The following MXRA7 variants were observed in gnomAD, a reference collection of about 807,000 sequenced individuals.
MXRA7 encodes matrix-remodeling-associated protein 7.
In MXRA7, 18 loss-of-function variants were observed where a neutral mutation model predicts 17.4. That is an observed-to-expected ratio of 1.03 (90% CI 0.71 to 1.53). MXRA7 has a LOEUF of 1.53. Among genes scored for constraint, MXRA7 ranks in the 40% most tolerant of loss-of-function variants. The pLI is 0.00. For missense variants in MXRA7, 141 were observed against 209.3 expected (o/e 0.67, Z 2.01); for synonymous variants, 70 against 101.7 (o/e 0.69, Z 1.87).
At chr17:76,693,300 T>C (rs1463747941) in intron 1 of MXRA7, among the ~76,000 whole-genome samples, 1 of 151,778 alleles carries the variant, frequency 6.6e-6, no homozygotes. Context: ...AAATCCCGTC[T>C]CTACTAAAAA....
chr17:76,684,842 C>T (rs1452349792), intron 3 of MXRA7, among the ~76,000 whole-genome samples: 1 of 152,048 alleles, frequency 6.6e-6, no homozygotes. Context: ...TCACCAGTGG[C>T]CTCCTTCTGG....
At chr17:76,707,344 G>A (rs1442302819) in intron 1 of MXRA7, among the ~76,000 whole-genome samples, 1 of 129,312 alleles carries the variant, frequency 7.7e-6, no homozygotes, top group African/African-American at 3.2e-5. Context: ...TCGTTCTGTT[G>A]CCCAGGCTGA....
chr17:76,680,774 G>T lies in MXRA7; in HGVS notation c.*93C>A, dbSNP rs572812419. 17 of 1,545,104 alleles carry T rather than the reference G, an allele frequency of 1.1e-5. No homozygotes were observed. The East Asian group carries it at 3.6e-4, about 33-fold the overall frequency. The stretch of plus-strand genomic sequence containing the variant: ...GAGGCAGCATGCACCCTGGGAGCCT[G>T]CCCAGACTCCTCTCTGGGGTTTCCG... On this transcript the variant is annotated 3_prime_UTR_variant, in exon 4 of 4. Transcript: ENST00000449428.
intron 1 of MXRA7, among the ~76,000 whole-genome samples, chr17:76,699,356 G>A (rs781520390): frequency 9.2e-5 from 14 of 151,936 alleles, no homozygotes; most frequent in Non-Finnish European, 1.6e-4. Flanking sequence ...ATGTTGCTCA[G>A]AGTGGTCTCA....
intron 1 of MXRA7, among the ~76,000 whole-genome samples, chr17:76,690,395 T>G (rs1480988226): frequency 6.6e-6 from 1 of 152,090 alleles, no homozygotes; most frequent in Non-Finnish European, 1.5e-5. Flanking sequence ...ATTTATTTTC[T>G]TATATATTCT....
intron 1 of MXRA7, among the ~76,000 whole-genome samples, chr17:76,705,373 C>T (rs994006616): frequency 2.0e-5 from 3 of 152,178 alleles, no homozygotes; most frequent in East Asian, 3.8e-4. Flanking sequence ...TGCTCTATAT[C>T]GTTATAGTTA....
downstream of MXRA7, chr17:76,677,480 A>G: frequency 1.4e-6 from 1 of 722,022 alleles, no homozygotes; most frequent in Non-Finnish European, 2.4e-6. Context: ...GCCTGCATCT[A>G]TGTTTATAAG....
At position 76,681,845 on chromosome 17, in the gene MXRA7, G is replaced by A. The variant is rs568195162; in HGVS notation, c.501-966C>T. ...GGAGGAGGAGGCCTCTTGCTCAGGG[G>A]AGCTGTCACCAGCCTGCAAGCCCAC... On this transcript the variant is annotated intron_variant, in intron 3 of 3. Coordinates refer to ENST00000449428, the MANE Select transcript of MXRA7 (RefSeq NM_198530.4). This position sits in a 1 kb window ranked among gnomAD's most constrained non-coding sequence, Gnocchi z 4.7. Among the ~76,000 whole-genome samples the A allele has an allele frequency of 8.5e-5, 13 of 152,268 alleles. No individual in the cohort carries two copies. Among genetic ancestry groups the A allele is most frequent in the Non-Finnish European group, 5.9e-5 (4 of 68,018 alleles).
chr17:76,695,599 G>A lies in MXRA7; in HGVS notation c.343-7423C>T, dbSNP rs560190186. Among the ~76,000 whole-genome samples, 4 of 152,304 alleles carry A rather than the reference G, an allele frequency of 2.6e-5. No individual in the cohort carries two copies. In the South Asian group the frequency reaches 8.3e-4, roughly 32 times the overall value. On this transcript the variant is annotated intron_variant, in intron 1 of 3. Coordinates refer to ENST00000449428, the MANE Select transcript of MXRA7 (RefSeq NM_198530.4). Reference sequence around the variant, plus strand: ...GAGGAAAGGGAGCTCAGCTGTGTCTGCAGGGAGCAAAGAAGGCCTCAGAGT... The same window carrying A: ...GAGGAAAGGGAGCTCAGCTGTGTCTACAGGGAGCAAAGAAGGCCTCAGAGT...
chr17:76,707,183 T>C (rs1220041188), intron 1 of MXRA7, among the ~76,000 whole-genome samples: 3 of 152,208 alleles, frequency 2.0e-5, no homozygotes, highest in Non-Finnish European at 4.4e-5. Flanking sequence ...AGGATCAAGA[T>C]TGTATTTATT....
chr17:76,705,324 A>G (rs1318279523), intron 1 of MXRA7, among the ~76,000 whole-genome samples: 1 of 152,224 alleles, frequency 6.6e-6, no homozygotes, highest in East Asian at 1.9e-4. Flanking sequence ...CTGAACAGGG[A>G]ACTCTACTTA....
At position 76,680,246 on chromosome 17, in the gene MXRA7, T is replaced by A. The variant is rs1000287212; in HGVS notation, c.*621A>T. The A allele has an allele frequency of 7.4e-5, 72 of 969,040 alleles. No individual in the cohort carries two copies. In the African/African-American group the frequency reaches 1.1e-3, roughly 15 times the overall value. 60.0% of individuals were successfully genotyped at this position (969,040 alleles called of 1,614,324 possible). A position where few individuals can be genotyped will look rare whatever the true frequency, so the allele number is the denominator to read the frequency against. On this transcript the variant is annotated 3_prime_UTR_variant, in exon 4 of 4. Transcript: ENST00000449428. ...GAAAGGGCTGAATCCGAGATTCCTC[T>A]AGATGAAAAATAAGGGGAATGGTCA...
chr17:76,695,217 C>T (rs1233077433), intron 1 of MXRA7, among the ~76,000 whole-genome samples: 3 of 152,012 alleles, frequency 2.0e-5, no homozygotes, highest in African/African-American at 7.3e-5. Flanking sequence ...CTGCATTTTG[C>T]CCTGATTTTA....
intron 1 of MXRA7, among the ~76,000 whole-genome samples, chr17:76,703,260 G>A (rs879576860): frequency 3.3e-5 from 5 of 152,086 alleles, no homozygotes; most frequent in South Asian, 2.1e-4. Flanking sequence ...GTTGGTCAGC[G>A]GGTTATAAAT....
intron 1 of MXRA7, among the ~76,000 whole-genome samples, chr17:76,693,225 T>C (rs2076495435): frequency 6.6e-6 from 1 of 152,078 alleles, no homozygotes; most frequent in Non-Finnish European, 1.5e-5. Flanking sequence ...ATCCCAGCAC[T>C]TTGGGAGGCC....
chr17:76,693,682 A>C (rs1387954239), intron 1 of MXRA7, among the ~76,000 whole-genome samples: 1 of 151,814 alleles, frequency 6.6e-6, no homozygotes, highest in Non-Finnish European at 1.5e-5. Flanking sequence ...TCATTTCTAC[A>C]AAAAAATTAC....
intron 1 of MXRA7, among the ~76,000 whole-genome samples, chr17:76,691,193 G>A (rs1010606338): frequency 6.6e-6 from 1 of 152,210 alleles, no homozygotes; most frequent in Non-Finnish European, 1.5e-5. Flanking sequence ...TCAACATCCC[G>A]ATAGGGTTTG....
intron 1 of MXRA7, among the ~76,000 whole-genome samples, chr17:76,693,880 C>A (rs2076504598): frequency 6.6e-6 from 1 of 152,188 alleles, no homozygotes; most frequent in African/African-American, 2.4e-5. Context: ...CAAAAAACTT[C>A]TGGTGTAGCT....
At chr17:76,691,308 C>G (rs1214927910) in intron 1 of MXRA7, among the ~76,000 whole-genome samples, 1 of 152,212 alleles carries the variant, frequency 6.6e-6, no homozygotes, top group East Asian at 1.9e-4. Context: ...GGACCTTACT[C>G]TACTTAGGTA....
Sources: allele counts gnomAD v4.1 joint callset (sites outside exome capture counted in the v4.1 genomes callset), GRCh38; gene constraint gnomAD v4.1.1; non-coding constraint Gnocchi (gnomAD v3.1); transcripts MANE v1.5; gene names NCBI Gene and HGNC (gene_info 2026-07-23, HGNC 2026-07-21).